ADCY8: variants seen among roughly 807,000 people sequenced by gnomAD.
ADCY8 encodes the protein adenylate cyclase type 8.
Under a neutral mutation model 119.7 loss-of-function variants are expected in ADCY8, and 51 were observed. That is an observed-to-expected ratio of 0.43 (90% CI 0.34 to 0.54). ADCY8 has a LOEUF of 0.54. Among genes scored for constraint, ADCY8 ranks in the 20% least tolerant of loss-of-function variants. ADCY8 has a pLI of 0.03. For missense variants in ADCY8, 1,383 were observed against 1,598.8 expected (o/e 0.87, Z 2.30); for synonymous variants, 665 against 651.0 (o/e 1.02, Z -0.33).
intron 14 of ADCY8, among the ~76,000 whole-genome samples, chr8:130,803,915 G>A (rs1410354198): frequency 6.6e-6 from 1 of 152,224 alleles, no homozygotes; most frequent in Non-Finnish European, 1.5e-5. Flanking sequence ...AAGAGCACAG[G>A]CAGCTGATGA....
At chr8:130,822,549 TC>T (rs1455069058) in intron 12 of ADCY8, among the ~76,000 whole-genome samples, 2 of 149,288 alleles carry the variant, frequency 1.3e-5, no homozygotes, top group African/African-American at 2.5e-5. Context: ...CATCCATCCA[TC>T]CATCCATCCA....
At chr8:130,923,813 A>G (rs937802535) in intron 5 of ADCY8, among the ~76,000 whole-genome samples, 3 of 152,236 alleles carry the variant, frequency 2.0e-5, no homozygotes, top group Non-Finnish European at 1.5e-5. Context: ...AATTACATTC[A>G]ATCTCTTTTT....
chr8:130,831,994 C>T (rs1304356137), intron 12 of ADCY8, among the ~76,000 whole-genome samples: 2 of 152,166 alleles, frequency 1.3e-5, no homozygotes, highest in East Asian at 3.9e-4. Flanking sequence ...TTATTATTCC[C>T]TCCTTACTGA....
intron 2 of ADCY8, among the ~76,000 whole-genome samples, chr8:130,963,997 C>G (rs117673840): frequency 0.01 from 1,556 of 152,302 alleles, 21 homozygotes; most frequent in Middle Eastern, 0.02. Flanking sequence ...TCAGATGGGT[C>G]ATACATTCCT....
At chr8:130,935,828 T>C (rs1043764782) in intron 5 of ADCY8, among the ~76,000 whole-genome samples, 1 of 152,210 alleles carries the variant, frequency 6.6e-6, no homozygotes, top group African/African-American at 2.4e-5. Flanking sequence ...GAAATATCTT[T>C]TACTGCAGGT....
At chr8:130,832,283 C>A (rs908604833) in intron 12 of ADCY8, among the ~76,000 whole-genome samples, 2 of 152,086 alleles carry the variant, frequency 1.3e-5, no homozygotes, top group African/African-American at 4.8e-5. Context: ...GTTTGACGAG[C>A]AGATTGGGAG....
In ADCY8 at chr8:130,938,764, C is replaced by T. The variant is rs1820868166; in HGVS notation, c.1354-1564G>A. On this transcript the variant is annotated intron_variant, in intron 4 of 17. Coordinates refer to ENST00000286355, the MANE Select transcript of ADCY8 (RefSeq NM_001115.3). ...TCCCGTCAGATTTCTGGAGCCTTGT[C>T]AACCTTCCCAAATGGGCCCAGATGC... Among the ~76,000 whole-genome samples, 5 of 152,208 alleles carry T rather than the reference C, an allele frequency of 3.3e-5. No individual in the cohort carries two copies. In the South Asian group the frequency reaches 8.3e-4, roughly 25 times the overall value.
chr8:130,847,407 A>G lies in ADCY8; in HGVS notation c.2502+17T>C. The G allele has an allele frequency of 6.4e-7, 1 of 1,570,774 alleles. No individual in the cohort carries two copies. Among genetic ancestry groups the G allele is most frequent in the Non-Finnish European group, 8.7e-7 (1 of 1,143,828 alleles). The stretch of plus-strand genomic sequence containing the variant: ...TCTATGTCCAACTCTCACCAAGGGG[A>G]GCTCATAAATAAATACCTCTGGGTA... On this transcript the variant is annotated intron_variant, in intron 11 of 17. Transcript: ENST00000286355.
At chr8:131,003,330 T>C (rs1353811879) in intron 1 of ADCY8, among the ~76,000 whole-genome samples, 2 of 151,950 alleles carry the variant, frequency 1.3e-5, no homozygotes, top group Non-Finnish European at 2.9e-5. Flanking sequence ...CATTTAAAAA[T>C]AGGTAAAAAT....
At chr8:130,834,314 G>A (rs1816922430) in intron 12 of ADCY8, among the ~76,000 whole-genome samples, 1 of 152,058 alleles carries the variant, frequency 6.6e-6, no homozygotes, top group Admixed American at 6.5e-5. Context: ...AAAAAGATGA[G>A]CAAGCTTACA....
chr8:130,917,997 A>G (rs1291978480), intron 5 of ADCY8, among the ~76,000 whole-genome samples: 1 of 152,108 alleles, frequency 6.6e-6, no homozygotes, highest in Non-Finnish European at 1.5e-5. Flanking sequence ...CAAAACCCCA[A>G]ACATTCTGGG....
chr8:130,799,489 A>G (rs1004424484), intron 15 of ADCY8, among the ~76,000 whole-genome samples: 1 of 152,274 alleles, frequency 6.6e-6, no homozygotes, highest in East Asian at 1.9e-4. Context: ...GTGATGTAGT[A>G]GTTGTTTTTT....
chr8:131,006,205 T>G (rs1563764688), intron 1 of ADCY8, among the ~76,000 whole-genome samples: 1 of 152,214 alleles, frequency 6.6e-6, no homozygotes, highest in Non-Finnish European at 1.5e-5. Flanking sequence ...CTATAGCTCC[T>G]GTCAGTTCTT....
intron 12 of ADCY8, 103 bp downstream of exon 12, chr8:130,836,174 T>A (rs1368869109): frequency 7.8e-7 from 1 of 1,279,680 alleles, no homozygotes; most frequent in Non-Finnish European, 1.1e-6. Flanking sequence ...CAATATCCAA[T>A]CAGGCCTTAA....
intron 9 of ADCY8, among the ~76,000 whole-genome samples, chr8:130,860,515 A>C (rs1030538538): frequency 5.3e-5 from 8 of 152,086 alleles, no homozygotes; most frequent in Admixed American, 3.9e-4. Context: ...TTCTTCCAGA[A>C]ATTTTATAGT....
At chr8:130,790,963 A>T (rs1291622148) in intron 15 of ADCY8, among the ~76,000 whole-genome samples, 1 of 152,094 alleles carries the variant, frequency 6.6e-6, no homozygotes, top group African/African-American at 2.4e-5. Context: ...GATCTGTAGT[A>T]CTCAGTTTAC....
intron 1 of ADCY8, among the ~76,000 whole-genome samples, chr8:131,035,089 T>A (rs1424513324): frequency 6.6e-6 from 1 of 152,192 alleles, no homozygotes; most frequent in Admixed American, 6.5e-5. Context: ...AATTTCCTGG[T>A]GGATAAATCG....
intron 12 of ADCY8, among the ~76,000 whole-genome samples, chr8:130,829,064 G>A (rs1345806911): frequency 6.6e-6 from 1 of 152,214 alleles, no homozygotes; most frequent in African/African-American, 2.4e-5. Context: ...GAGCACTAGA[G>A]TTGCATGGGT....
At chr8:130,828,542 G>A (rs1189388091) in intron 12 of ADCY8, among the ~76,000 whole-genome samples, 1 of 152,144 alleles carries the variant, frequency 6.6e-6, no homozygotes, top group East Asian at 1.9e-4. Context: ...GTGCCACCTA[G>A]TGGAATAGGG....
Sources: gnomAD v4.1 joint callset for allele counts (sites outside exome capture counted in the v4.1 genomes callset) on GRCh38, gnomAD v4.1.1 for gene constraint, MANE v1.5 for transcripts, NCBI Gene and HGNC (gene_info 2026-07-23, HGNC 2026-07-21) for gene names.